LPP: variants seen among roughly 807,000 people sequenced by gnomAD.
LPP encodes lipoma-preferred partner.
LPP carries 38 observed loss-of-function variants against 60.4 expected under a neutral mutation model. The observed-to-expected ratio is 0.63, with a 90% CI of 0.49 to 0.83. LPP has a LOEUF of 0.83. Ranked by LOEUF, LPP falls within the 40% of genes least tolerant of loss-of-function variation. The pLI is 0.00. For missense variants in LPP, 902 were observed against 783.6 expected (o/e 1.15, Z -1.80); for synonymous variants, 328 against 290.8 (o/e 1.13, Z -1.30).
intron 3 of LPP, among the ~76,000 whole-genome samples, chr3:188,398,320 G>A (rs911881913): frequency 8.5e-5 from 13 of 152,194 alleles, no homozygotes; most frequent in Non-Finnish European, 1.5e-4. Context: ...GGTTAAGAAC[G>A]AAAGTCATAG....
intron 6 of LPP, among the ~76,000 whole-genome samples, chr3:188,591,986 T>A: frequency 6.6e-6 from 1 of 152,210 alleles, no homozygotes; most frequent in East Asian, 1.9e-4. Context: ...GCTGACATTT[T>A]GTTAGAAGTG....
intron 4 of LPP, among the ~76,000 whole-genome samples, chr3:188,460,797 G>A (rs1268239405): frequency 6.6e-6 from 1 of 152,178 alleles, no homozygotes; most frequent in East Asian, 1.9e-4. Flanking sequence ...GTAATATAGA[G>A]CAGGGAGTGT....
chr3:188,550,352 G>A (rs889049318), intron 6 of LPP, among the ~76,000 whole-genome samples: 1 of 152,082 alleles, frequency 6.6e-6, no homozygotes, highest in African/African-American at 2.4e-5. Flanking sequence ...GCCGAGGCGG[G>A]TGGATCACAA....
At chr3:188,505,268 G>T (rs888544104) in intron 5 of LPP, among the ~76,000 whole-genome samples, 1 of 152,014 alleles carries the variant, frequency 6.6e-6, no homozygotes, top group Non-Finnish European at 1.5e-5. Context: ...CACTTCCTTC[G>T]ATTTTTACTA....
chr3:188,822,505 A>G (rs544272653), intron 9 of LPP, among the ~76,000 whole-genome samples: 110 of 152,266 alleles, frequency 7.2e-4, no homozygotes, highest in Non-Finnish European at 1.4e-3. Flanking sequence ...CAAGACATCT[A>G]TCTCTGTCAC....
chr3:188,510,018 G>A (rs1398774083), intron 5 of LPP, among the ~76,000 whole-genome samples: 21 of 151,738 alleles, frequency 1.4e-4, no homozygotes, highest in Admixed American at 1.4e-3. Context: ...CACCGGGCCT[G>A]TCTCATTTCT....
intron 3 of LPP, among the ~76,000 whole-genome samples, chr3:188,395,406 TA>T (rs1358173101): frequency 6.6e-6 from 1 of 150,500 alleles, no homozygotes; most frequent in African/African-American, 2.5e-5. Flanking sequence ...AAATTATTAT[TA>T]TTTTTTTTTT....
At chr3:188,374,785 C>T (rs1025804331) in intron 3 of LPP, among the ~76,000 whole-genome samples, 4 of 152,034 alleles carry the variant, frequency 2.6e-5, no homozygotes, top group African/African-American at 7.2e-5. Context: ...GTCTTGTGCC[C>T]ATTTTCAAAG....
intron 9 of LPP, among the ~76,000 whole-genome samples, chr3:188,762,294 T>C (rs1410382647): frequency 6.6e-6 from 1 of 152,186 alleles, no homozygotes; most frequent in Non-Finnish European, 1.5e-5. Flanking sequence ...TGGCAGTTAT[T>C]TTCCATGAAG....
At position 188,589,114 on chromosome 3, in the gene LPP, GT is replaced by G. The variant is rs548264354; in HGVS notation, c.430-20040del. 1.6e-4 allele frequency among the ~76,000 whole-genome samples: 24 copies of G among 151,684 alleles called. No individual in the cohort carries two copies. The South Asian group carries it at 1.7e-3, about 11-fold the overall frequency. Reference sequence around the variant, plus strand: ...CTTAGTAATAGATAGGGGAGAGGGTGTTTTTTTATATCTATATACATATATA... The same window carrying G: ...CTTAGTAATAGATAGGGGAGAGGGTGTTTTTTATATCTATATACATATATA... On this transcript the variant is annotated intron_variant, in intron 6 of 11. Coordinates refer to ENST00000617246, the MANE Select transcript of LPP (RefSeq NM_001375462.1).
At position 188,610,052 on chromosome 3, in the gene LPP, A is replaced by G. The variant is rs1843368653; in HGVS notation, c.1113+208A>G. Among the ~76,000 whole-genome samples the G allele has an allele frequency of 6.6e-6, 1 of 152,168 alleles. No individual in the cohort carries two copies. Among genetic ancestry groups the G allele is most frequent in the Non-Finnish European group, 1.5e-5 (1 of 68,026 alleles). On this transcript the variant is annotated intron_variant, in intron 7 of 11. Transcript: ENST00000617246. The surrounding 1 kb of genome is among the most constrained non-coding windows in gnomAD (Gnocchi z 4.4). ...TGGCCACTGTTTAGTATCAAATGGAATTGCTTGCTCAATCTCAGAGAATCA... is the reference window on the plus strand; with the variant it reads ...TGGCCACTGTTTAGTATCAAATGGAGTTGCTTGCTCAATCTCAGAGAATCA...
At chr3:188,547,184 TAAG>T (rs1231163715) in intron 6 of LPP, among the ~76,000 whole-genome samples, 3 of 152,176 alleles carry the variant, frequency 2.0e-5, no homozygotes, top group Non-Finnish European at 4.4e-5. Flanking sequence ...GGGCAAGTGA[TAAG>T]CCTGGAAAGG....
In LPP at chr3:188,610,726, T is replaced by C. The variant is rs150369285; in HGVS notation, c.1113+882T>C. ...ACTCACCACAACTTGGATTTTTCAT[T>C]AGTACTGGAACCAACACGATGTTGA... On this transcript the variant is annotated intron_variant, in intron 7 of 11. Transcript: ENST00000617246. The surrounding 1 kb of genome is among the most constrained non-coding windows in gnomAD (Gnocchi z 4.4). Among the ~76,000 whole-genome samples, 2 of 152,300 alleles carry C rather than the reference T, an allele frequency of 1.3e-5. No homozygotes were observed. The highest frequency in any genetic ancestry group is 3.9e-4 in the East Asian group (2 of 5,180).
At chr3:188,400,047 C>CTGT (rs1781880075) in intron 3 of LPP, among the ~76,000 whole-genome samples, 1 of 151,990 alleles carries the variant, frequency 6.6e-6, no homozygotes, top group South Asian at 2.1e-4. Flanking sequence ...TATTTGCTTT[C>CTGT]TGTTGTGCCT....
intron 6 of LPP, among the ~76,000 whole-genome samples, chr3:188,536,275 C>T (rs56171253): frequency 6.6e-5 from 10 of 152,158 alleles, no homozygotes; most frequent in Non-Finnish European, 1.3e-4. Flanking sequence ...TCCCAAAGTG[C>T]TGGGATTACA....
chr3:188,445,406 G>A (rs1404782301), intron 4 of LPP, among the ~76,000 whole-genome samples: 5 of 152,026 alleles, frequency 3.3e-5, no homozygotes, highest in Non-Finnish European at 5.9e-5. Context: ...ACCAAACACC[G>A]TATGTTCTCA....
At chr3:188,351,982 G>T (rs1765985165) in intron 3 of LPP, among the ~76,000 whole-genome samples, 2 of 152,108 alleles carry the variant, frequency 1.3e-5, no homozygotes, top group Non-Finnish European at 2.9e-5. Context: ...GCTTTTACTT[G>T]CACTTACTAC....
At chr3:188,843,440 G>C (rs937604654) in intron 9 of LPP, among the ~76,000 whole-genome samples, 9 of 152,244 alleles carry the variant, frequency 5.9e-5, no homozygotes, top group Admixed American at 5.9e-4. Flanking sequence ...TAAAATGTTT[G>C]GTTTGGACTG....
chr3:188,453,579 G>C (rs1797085800), intron 4 of LPP, among the ~76,000 whole-genome samples: 1 of 151,950 alleles, frequency 6.6e-6, no homozygotes, highest in African/African-American at 2.4e-5. Context: ...GGCCAGGTTA[G>C]AACATGTGCT....
Sources: gnomAD v4.1 joint callset for allele counts (sites outside exome capture counted in the v4.1 genomes callset) on GRCh38, gnomAD v4.1.1 for gene constraint, Gnocchi (gnomAD v3.1) non-coding constraint, MANE v1.5 for transcripts, NCBI Gene and HGNC (gene_info 2026-07-23, HGNC 2026-07-21) for gene names.